The following NRXN1 variants were observed in gnomAD, a reference collection of about 807,000 sequenced individuals.
NRXN1 encodes the protein neurexin 1, also known as neurexin-1.
In NRXN1, 39 loss-of-function variants were observed where a neutral mutation model predicts 150.9. The observed-to-expected ratio is 0.26, with a 90% CI of 0.20 to 0.34. The LOEUF (loss-of-function observed/expected upper bound fraction) is 0.34, where lower values mean the gene tolerates loss of function less well. Among genes scored for constraint, NRXN1 ranks in the 10% least tolerant of loss-of-function variants. The pLI is 1.00. For synonymous variants in NRXN1, 924 were observed against 757.0 expected, an observed-to-expected ratio of 1.22 and a Z score of -3.62; for missense variants, 1,815 against 1,949.9, an observed-to-expected ratio of 0.93 and a Z score of 1.30.
intron 17 of NRXN1, among the ~76,000 whole-genome samples, chr2:50,354,186 T>C (rs77853558): frequency 2.6e-5 from 4 of 152,294 alleles, no homozygotes; most frequent in East Asian, 1.9e-4. Context: ...ATGTCTATTA[T>C]ATAAACCTAT....
At chr2:50,106,198 CTACATTAT>C (rs1390552762) in intron 18 of NRXN1, among the ~76,000 whole-genome samples, 3 of 151,662 alleles carry the variant, frequency 2.0e-5, no homozygotes, top group Non-Finnish European at 4.4e-5. Context: ...AAATCAACCT[CTACATTAT>C]TACCATCTTT....
intron 22 of NRXN1, among the ~76,000 whole-genome samples, chr2:49,923,616 C>A (rs1668594407): frequency 6.6e-6 from 1 of 152,100 alleles, no homozygotes; most frequent in Non-Finnish European, 1.5e-5. Flanking sequence ...AATATTTCTG[C>A]AAAAGTTCTT....
At chr2:50,760,673 GAAA>G in intron 5 of NRXN1, among the ~76,000 whole-genome samples, 1 of 147,510 alleles carries the variant, frequency 6.8e-6, no homozygotes, top group South Asian at 2.1e-4. Flanking sequence ...CACCTTCACA[GAAA>G]AAAAAAAGTA....
chr2:50,980,627 A>G (rs916338049), intron 2 of NRXN1, among the ~76,000 whole-genome samples: 6 of 152,116 alleles, frequency 3.9e-5, no homozygotes, highest in Non-Finnish European at 8.8e-5. Context: ...GCAAATTTAG[A>G]AAAGGGGAGT....
chr2:50,831,525 G>A (rs1671406144), intron 5 of NRXN1, among the ~76,000 whole-genome samples: 1 of 152,152 alleles, frequency 6.6e-6, no homozygotes, highest in Non-Finnish European at 1.5e-5. Context: ...AAACTCTGGT[G>A]TTATTCTTGC....
intron 2 of NRXN1, among the ~76,000 whole-genome samples, chr2:50,961,598 A>C (rs1693209881): frequency 1.3e-5 from 2 of 151,892 alleles, no homozygotes. Flanking sequence ...GTTAAATTGA[A>C]AAAGAAAGGC....
At chr2:50,575,426 G>C (rs1284632110) in intron 8 of NRXN1, among the ~76,000 whole-genome samples, 1 of 152,128 alleles carries the variant, frequency 6.6e-6, no homozygotes, top group Non-Finnish European at 1.5e-5. Flanking sequence ...GAGCCAGGTA[G>C]GGATGCTCCC....
At chr2:50,123,644 G>A (rs1220487029) in intron 18 of NRXN1, among the ~76,000 whole-genome samples, 5 of 152,158 alleles carry the variant, frequency 3.3e-5, no homozygotes, top group African/African-American at 1.2e-4. Context: ...ACAATTAGCA[G>A]ACTATTGAAA....
intron 18 of NRXN1, among the ~76,000 whole-genome samples, chr2:50,106,255 A>C (rs1272428007): frequency 6.6e-6 from 1 of 151,948 alleles, no homozygotes; most frequent in Non-Finnish European, 1.5e-5. Flanking sequence ...TCTAGCATTT[A>C]ATGATAACTT....
chr2:50,142,169 T>C (rs1439350680), intron 18 of NRXN1, among the ~76,000 whole-genome samples: 1 of 152,002 alleles, frequency 6.6e-6, no homozygotes, highest in African/African-American at 2.4e-5. Context: ...TGAATGAAAC[T>C]GAAGGGCATT....
chr2:50,597,004 C>T (rs888530742), intron 8 of NRXN1, among the ~76,000 whole-genome samples: 1 of 151,874 alleles, frequency 6.6e-6, no homozygotes, highest in Non-Finnish European at 1.5e-5. Context: ...AGGCACACGC[C>T]ACCATCCAGT....
At chr2:50,657,342 A>T (rs767946619) in intron 5 of NRXN1, among the ~76,000 whole-genome samples, 1 of 152,044 alleles carries the variant, frequency 6.6e-6, no homozygotes, top group Non-Finnish European at 1.5e-5. Context: ...TCTTTGGTCC[A>T]CTACCACCTA....
chr2:50,989,550 T>C (rs1420697889), intron 2 of NRXN1, among the ~76,000 whole-genome samples: 3 of 151,998 alleles, frequency 2.0e-5, no homozygotes, highest in African/African-American at 7.2e-5. Flanking sequence ...TAGAATGATA[T>C]AGCATGTAGA....
chr2:49,995,881 AAAG>A (rs1460874592), intron 21 of NRXN1, among the ~76,000 whole-genome samples: 10,427 of 67,870 alleles, frequency 0.15, 848 homozygotes, highest in Non-Finnish European at 0.2. Context: ...AAAAAAAAAA[AAAG>A]AAAAAAGGAT....
chr2:50,631,518 A>C (rs1682319898), intron 5 of NRXN1: 1 of 153,002 alleles, frequency 6.5e-6, no homozygotes, highest in Non-Finnish European at 1.5e-5. Context: ...CCTCTTGATA[A>C]CAGTCTCAGG....
chr2:50,122,902 A>G (rs1344099149), intron 18 of NRXN1, among the ~76,000 whole-genome samples: 10 of 152,208 alleles, frequency 6.6e-5, no homozygotes, highest in Non-Finnish European at 1.3e-4. Flanking sequence ...AAAACCTTCT[A>G]CATGGTAGAT....
intron 17 of NRXN1, among the ~76,000 whole-genome samples, chr2:50,373,126 A>G (rs1045559352): frequency 6.6e-6 from 1 of 151,110 alleles, no homozygotes; most frequent in Non-Finnish European, 1.5e-5. Context: ...ATGAGTGTAG[A>G]CTCTTGGGTA....
At chr2:50,674,424 C>A (rs1001080031) in intron 5 of NRXN1, among the ~76,000 whole-genome samples, 3 of 152,086 alleles carry the variant, frequency 2.0e-5, no homozygotes, top group Admixed American at 6.6e-5. Context: ...GAGGCCTTCT[C>A]TCCATTCATT....
Position 50,156,084 on chromosome 2 carries a change from T to G in NRXN1, c.3547-64590A>C, listed in dbSNP as rs950488489. Among the ~76,000 whole-genome samples, 3 of 151,756 alleles carry G rather than the reference T, an allele frequency of 2.0e-5. No homozygotes were observed. In the South Asian group the frequency reaches 6.2e-4, roughly 31 times the overall value. ...TGGTGAGATTATAAATTATTTTACTTTGTTCTTTGCTTCTCTTTGTATTCT... is the reference window on the plus strand; with the variant it reads ...TGGTGAGATTATAAATTATTTTACTGTGTTCTTTGCTTCTCTTTGTATTCT... On this transcript the variant is annotated intron_variant, in intron 18 of 22. Coordinates refer to ENST00000401669, the MANE Select transcript of NRXN1 (RefSeq NM_001330078.2).
Sources: allele counts gnomAD v4.1 joint callset (sites outside exome capture counted in the v4.1 genomes callset), GRCh38; gene constraint gnomAD v4.1.1; transcripts MANE v1.5; gene names NCBI Gene and HGNC (gene_info 2026-07-23, HGNC 2026-07-21).